The following MCUB variants were observed in gnomAD, a reference collection of about 807,000 sequenced individuals.
The protein encoded by MCUB is calcium uniporter regulatory subunit MCUb, mitochondrial.
A neutral mutation model predicts 41.4 loss-of-function variants in MCUB; 46 were observed. That is an observed-to-expected ratio of 1.11 (90% CI 0.88 to 1.42). MCUB has a LOEUF of 1.42. MCUB is among the 40% of genes most tolerant of loss of function. The probability of loss-of-function intolerance (pLI) is 0.00; values close to 1 mark genes in which losing one functional copy is unlikely to be tolerated. For synonymous variants in MCUB, 148 were observed against 148.2 expected (o/e 1.00, Z 0.01); for missense variants, 403 against 404.9 (o/e 1.00, Z 0.04).
In MCUB at chr4:109,685,260, T is replaced by C; in HGVS notation, c.826T>C (p.Tyr276His). Residue 276 changes from tyrosine to histidine, a missense_variant, in exon 7 of 8, where the codon TAC becomes CAC. Physicochemically the swap from Tyr to His is moderately conservative, Grantham distance 83. Transcript: ENST00000394650. ...YFIVTRQDYTYSAVKSRQFLQ... is the reference protein window; with the variant it reads ...YFIVTRQDYTHSAVKSRQFLQ... ...TCTCTTTTTTTTTAAGGATTATACTTACTCAGCTGTTAAGAGTAGGCAATT... is the reference window on the plus strand; with the variant it reads ...TCTCTTTTTTTTTAAGGATTATACTCACTCAGCTGTTAAGAGTAGGCAATT... 7.3e-7 allele frequency: 1 copy of C among 1,365,230 alleles called. No homozygotes were observed. Among genetic ancestry groups the C allele is most frequent in the Non-Finnish European group, 1.0e-6 (1 of 955,948 alleles). 84.6% of individuals were successfully genotyped at this position (1,365,230 alleles called of 1,614,324 possible). A position where few individuals can be genotyped will look rare whatever the true frequency, so the allele number is the denominator to read the frequency against.
intron 1 of MCUB, among the ~76,000 whole-genome samples, chr4:109,632,315 A>G (rs1295603351): frequency 6.6e-6 from 1 of 152,208 alleles, no homozygotes; most frequent in Admixed American, 6.5e-5. Context: ...ACGCTGGTTC[A>G]GAGTATGCAT....
intron 2 of MCUB, 105 bp from the exon 3 acceptor site, chr4:109,660,090 G>A: frequency 1.6e-6 from 1 of 638,330 alleles, no homozygotes; most frequent in South Asian, 2.1e-5. Flanking sequence ...TAAGACTTCA[G>A]AGGTTTGTGA....
intron 1 of MCUB, among the ~76,000 whole-genome samples, chr4:109,582,582 T>A (rs1268870873): frequency 6.6e-6 from 1 of 151,598 alleles, no homozygotes; most frequent in Non-Finnish European, 1.5e-5. Context: ...AAAAATCCCA[T>A]TTGTCAATTC....
intron 1 of MCUB, among the ~76,000 whole-genome samples, chr4:109,641,393 C>T (rs553081168): frequency 2.8e-4 from 42 of 151,972 alleles, no homozygotes; most frequent in African/African-American, 8.9e-4. Context: ...CGTGAGTCAC[C>T]GCACCCGGCC....
chr4:109,682,680 A>G lies in MCUB; in HGVS notation c.550A>G (p.Arg184Gly). 1 of 1,613,576 alleles carries G rather than the reference A, an allele frequency of 6.2e-7. No individual in the cohort carries two copies. The highest frequency in any genetic ancestry group is 8.5e-7 in the Non-Finnish European group (1 of 1,179,480). The change falls in exon 5 of 8, where the codon AGA (arginine) becomes GGA (glycine). Residue 184 changes from arginine (R) to glycine (G), a missense_variant. Transcript: ENST00000394650. Reference sequence around the variant, plus strand: ...GCATTTAGAAGAGTCTCAGAAAAAGAGAGAGCACCATTTACTGGAGAAAAT... The same window carrying G: ...GCATTTAGAAGAGTCTCAGAAAAAGGGAGAGCACCATTTACTGGAGAAAAT... ...ILHLEESQKK[R>G]EHHLLEKIDH...
At chr4:109,609,194 G>A (rs1018337356) in intron 1 of MCUB, among the ~76,000 whole-genome samples, 2 of 152,198 alleles carry the variant, frequency 1.3e-5, no homozygotes, top group East Asian at 1.9e-4. Flanking sequence ...ATAATTCAGG[G>A]TGAGTCCACA....
At chr4:109,657,468 C>T (rs969156807) in intron 1 of MCUB, among the ~76,000 whole-genome samples, 2 of 152,060 alleles carry the variant, frequency 1.3e-5, no homozygotes, top group African/African-American at 4.8e-5. Flanking sequence ...ATAGTGTACC[C>T]TCAAATCCTG....
At chr4:109,587,426 A>ATGCCC (rs60122680) in intron 1 of MCUB, among the ~76,000 whole-genome samples, 17,847 of 152,142 alleles carry the variant, frequency 0.12, 1,143 homozygotes, top group Non-Finnish European at 0.13. Flanking sequence ...GGGTGAGGCG[A>ATGCCC]TGCCCTGCCC....
At position 109,643,891 on chromosome 4, in the gene MCUB, C is replaced by G. The variant is rs143806778; in HGVS notation, c.100-15120C>G. On this transcript the variant is annotated intron_variant, in intron 1 of 7. Transcript: ENST00000394650. ...TAGGAAACAAATACAAACACTAAAG[C>G]TGTAAAACATGTTGGAAAATAAACT... 2.2e-4 allele frequency among the ~76,000 whole-genome samples: 34 copies of G among 152,274 alleles called. No individual in the cohort carries two copies. In the East Asian group the frequency reaches 6.6e-3, roughly 29 times the overall value.
intron 1 of MCUB, among the ~76,000 whole-genome samples, chr4:109,603,950 G>A (rs2126131869): frequency 6.6e-6 from 1 of 152,340 alleles, no homozygotes; most frequent in South Asian, 2.1e-4. Context: ...AGAAAAGGGG[G>A]AAATGTGGGG....
chr4:109,596,482 A>G (rs1205688819), intron 1 of MCUB, among the ~76,000 whole-genome samples: 1 of 151,460 alleles, frequency 6.6e-6, no homozygotes, highest in Non-Finnish European at 1.5e-5. Flanking sequence ...TAGGGACAGT[A>G]GACACAGTGC....
At chr4:109,602,805 A>T (rs1281702417) in intron 1 of MCUB, among the ~76,000 whole-genome samples, 1 of 152,180 alleles carries the variant, frequency 6.6e-6, no homozygotes, top group Non-Finnish European at 1.5e-5. Context: ...GTAAGTATGG[A>T]CATTTTAACA....
chr4:109,686,539 C>T (rs1303564703), intron 7 of MCUB, among the ~76,000 whole-genome samples: 2 of 152,124 alleles, frequency 1.3e-5, no homozygotes, highest in African/African-American at 4.8e-5. Context: ...TTTGAATAAT[C>T]CTATCTGAGA....
intron 4 of MCUB, among the ~76,000 whole-genome samples, chr4:109,681,840 C>G (rs1183668281): frequency 1.3e-5 from 2 of 152,114 alleles, no homozygotes; most frequent in Admixed American, 6.5e-5. Context: ...AAGCTCAGCT[C>G]GAGCAGTAAC....
chr4:109,637,511 TCAA>T (rs1188167134), intron 1 of MCUB, among the ~76,000 whole-genome samples: 1 of 152,078 alleles, frequency 6.6e-6, no homozygotes, highest in Non-Finnish European at 1.5e-5. Flanking sequence ...TGCCCATCAA[TCAA>T]CAAGTGAATA....
chr4:109,564,469 C>T (rs17619262), intron 1 of MCUB, among the ~76,000 whole-genome samples: 6,995 of 152,244 alleles, frequency 0.046, 199 homozygotes, highest in East Asian at 0.11. Context: ...AGCCCCATAT[C>T]TTGCCTCTCT....
At chr4:109,647,087 C>A (rs1322420242) in intron 1 of MCUB, among the ~76,000 whole-genome samples, 1 of 152,142 alleles carries the variant, frequency 6.6e-6, no homozygotes, top group African/African-American at 2.4e-5. Context: ...TAAGAGTTTC[C>A]ATATACTGTC....
chr4:109,586,683 T>C (rs1727313864), intron 1 of MCUB, among the ~76,000 whole-genome samples: 1 of 152,234 alleles, frequency 6.6e-6, no homozygotes, highest in African/African-American at 2.4e-5. Flanking sequence ...CCTTTCTGTT[T>C]GTTAGTTTTC....
At chr4:109,562,112 T>A (rs771080625) in intron 1 of MCUB, among the ~76,000 whole-genome samples, 2 of 152,158 alleles carry the variant, frequency 1.3e-5, no homozygotes, top group African/African-American at 2.4e-5. Context: ...ATCCCGGGAC[T>A]GGCTGCCCTT....
Sources: gnomAD v4.1 joint callset for allele counts (sites outside exome capture counted in the v4.1 genomes callset) on GRCh38, gnomAD v4.1.1 for gene constraint, MANE v1.5 for transcripts, NCBI Gene and HGNC (gene_info 2026-07-23, HGNC 2026-07-21) for gene names.